Variants in MGMT observed in about 807,000 individuals in gnomAD.
The protein encoded by MGMT is methylated-DNA--protein-cysteine methyltransferase.
MGMT carries 14 observed loss-of-function variants against 15.9 expected under a neutral mutation model. The observed-to-expected ratio is 0.88, with a 90% CI of 0.58 to 1.37. MGMT has a LOEUF of 1.37. Among genes scored for constraint, MGMT ranks in the 40% most tolerant of loss-of-function variants. The pLI, the probability that MGMT is intolerant of heterozygous loss-of-function variation, is 0.00. For missense variants in MGMT, 282 were observed against 268.1 expected, an observed-to-expected ratio of 1.05 and a Z score of -0.36; for synonymous variants, 130 against 118.2, an observed-to-expected ratio of 1.10 and a Z score of -0.65.
At position 129,653,620 on chromosome 10, in the gene MGMT, G is replaced by A. The variant is rs557092595; in HGVS notation, c.126-54275G>A. Reference sequence around the variant, plus strand: ...TGATGGTGGCCCTTGACTGTGGTCAGCACTGGACTGGCCCACCCTATGAGA... The same window carrying A: ...TGATGGTGGCCCTTGACTGTGGTCAACACTGGACTGGCCCACCCTATGAGA... On this transcript the variant is annotated intron_variant, in intron 2 of 4. Coordinates refer to ENST00000651593, the MANE Select transcript of MGMT (RefSeq NM_002412.5). Among the ~76,000 whole-genome samples the A allele has an allele frequency of 2.0e-5, 3 of 152,342 alleles. No individual in the cohort carries two copies. The East Asian group carries it at 5.8e-4, about 29-fold the overall frequency.
At chr10:129,505,169 A>G (rs1845613343) in intron 1 of MGMT, among the ~76,000 whole-genome samples, 1 of 152,160 alleles carries the variant, frequency 6.6e-6, no homozygotes, top group South Asian at 2.1e-4. Flanking sequence ...TTTTTTCCAG[A>G]AATAATAAAT....
At chr10:129,619,347 A>T (rs1255464792) in intron 2 of MGMT, among the ~76,000 whole-genome samples, 1 of 152,188 alleles carries the variant, frequency 6.6e-6, no homozygotes, top group African/African-American at 2.4e-5. Context: ...CTCTGTATAT[A>T]TATGTGTATA....
At chr10:129,620,963 G>A (rs1336581650) in intron 2 of MGMT, among the ~76,000 whole-genome samples, 3 of 151,538 alleles carry the variant, frequency 2.0e-5, no homozygotes, top group East Asian at 3.9e-4. Context: ...TTTTTAAGTA[G>A]TTTGTTTAGT....
intron 3 of MGMT, among the ~76,000 whole-genome samples, chr10:129,721,158 A>T (rs1165300642): frequency 1.3e-5 from 2 of 152,124 alleles, no homozygotes; most frequent in Non-Finnish European, 2.9e-5. Flanking sequence ...AAAGTCATAT[A>T]TATGCCACCC....
rs112545789 is a variant in MGMT, at chr10:129,685,791, A to G, written c.126-22104A>G. 5.4e-4 allele frequency among the ~76,000 whole-genome samples: 82 copies of G among 152,354 alleles called. 1 individual carries two copies. Among genetic ancestry groups the G allele is most frequent in the African/African-American group, 1.9e-3 (78 of 41,592 alleles). On this transcript the variant is annotated intron_variant, in intron 2 of 4. Coordinates refer to ENST00000651593, the MANE Select transcript of MGMT (RefSeq NM_002412.5). The stretch of plus-strand genomic sequence containing the variant: ...ATTATCTCTGGAGATGGGCAGGTAC[A>G]CCTCACAGAAAGTGAAGTCTGTTGC...
chr10:129,759,022 C>T (rs569119743), intron 3 of MGMT, among the ~76,000 whole-genome samples, 180 bp from the exon 4 acceptor site: 3 of 152,362 alleles, frequency 2.0e-5, no homozygotes, highest in African/African-American at 7.2e-5. Flanking sequence ...TGGCCTGCCA[C>T]ATGCTTGCGT....
intron 2 of MGMT, among the ~76,000 whole-genome samples, chr10:129,574,807 G>A (rs1296574395): frequency 6.6e-6 from 1 of 152,140 alleles, no homozygotes; most frequent in Non-Finnish European, 1.5e-5. Context: ...TCCCACTTTA[G>A]AAATTATTAA....
At chr10:129,633,947 C>G (rs492811) in intron 2 of MGMT, among the ~76,000 whole-genome samples, 1,599 of 152,206 alleles carry the variant, frequency 0.011, 33 homozygotes, top group African/African-American at 0.036. Flanking sequence ...AGTTTTATTG[C>G]TCTTCATTCT....
chr10:129,502,114 C>T lies in MGMT; in HGVS notation c.-12-34127C>T, dbSNP rs1423338903. Among the ~76,000 whole-genome samples, 5 of 152,230 alleles carry T rather than the reference C, an allele frequency of 3.3e-5. 1 individual carries two copies. Among genetic ancestry groups the T allele is most frequent in the South Asian group, 4.1e-4 (2 of 4,830 alleles). On this transcript the variant is annotated intron_variant, in intron 1 of 4. Transcript: ENST00000651593. The stretch of plus-strand genomic sequence containing the variant: ...TTTGGTGGTGGTTGTTACTGCAGAG[C>T]GTCCCAGCCATCCTGACTAGTACAG...
chr10:129,626,025 A>G (rs1302818530), intron 2 of MGMT, among the ~76,000 whole-genome samples: 1 of 152,140 alleles, frequency 6.6e-6, no homozygotes, highest in African/African-American at 2.4e-5. Context: ...GGCGCAGAAT[A>G]TGTTTGCTTG....
At position 129,565,948 on chromosome 10, in the gene MGMT, C is replaced by T. The variant is rs535947906; in HGVS notation, c.125+29571C>T. 5.9e-5 allele frequency among the ~76,000 whole-genome samples: 9 copies of T among 152,176 alleles called. No individual in the cohort carries two copies. The South Asian group carries it at 1.0e-3, about 18-fold the overall frequency. ...GAGTGACCACTGCCAGGGAAGACAC[C>T]GTGGTCGGGGCCTGTGATTCCTGCC... On this transcript the variant is annotated intron_variant, in intron 2 of 4. Coordinates refer to ENST00000651593, the MANE Select transcript of MGMT (RefSeq NM_002412.5).
At chr10:129,577,780 C>T (rs1361687121) in intron 2 of MGMT, among the ~76,000 whole-genome samples, 4 of 152,126 alleles carry the variant, frequency 2.6e-5, no homozygotes, top group Non-Finnish European at 5.9e-5. Context: ...TTTTCTCAAC[C>T]TACTCCTCTG....
chr10:129,671,873 A>G (rs1847728404), intron 2 of MGMT, among the ~76,000 whole-genome samples: 1 of 152,230 alleles, frequency 6.6e-6, no homozygotes, highest in Admixed American at 6.5e-5. Context: ...CAGATTGGCT[A>G]TGGACATGAG....
chr10:129,685,781 G>C (rs1304771647), intron 2 of MGMT, among the ~76,000 whole-genome samples: 1 of 152,196 alleles, frequency 6.6e-6, no homozygotes, highest in Non-Finnish European at 1.5e-5. Flanking sequence ...CTCTGGAGAT[G>C]GGCAGGTACA....
At chr10:129,509,442 G>A (rs1459409713) in intron 1 of MGMT, among the ~76,000 whole-genome samples, 3 of 152,074 alleles carry the variant, frequency 2.0e-5, no homozygotes, top group African/African-American at 4.8e-5. Flanking sequence ...TGGCACATTC[G>A]GATTTCCTTG....
intron 3 of MGMT, among the ~76,000 whole-genome samples, chr10:129,736,270 G>T (rs942714482): frequency 5.3e-5 from 8 of 150,436 alleles, no homozygotes; most frequent in Non-Finnish European, 7.5e-5. Context: ...ATATATTTAG[G>T]ATAGTTAGCT....
In MGMT at chr10:129,618,466, C is replaced by T. The variant is rs559891170; in HGVS notation, c.125+82089C>T. Among the ~76,000 whole-genome samples the T allele has an allele frequency of 1.4e-4, 22 of 152,036 alleles. No individual in the cohort carries two copies. In the South Asian group the frequency reaches 3.5e-3, roughly 24 times the overall value. On this transcript the variant is annotated intron_variant, in intron 2 of 4. Coordinates refer to ENST00000651593, the MANE Select transcript of MGMT (RefSeq NM_002412.5). ...GTTCTCCAAATTTCGTTGTTTTTTC[C>T]ACAATTGTTTTGGCTCTTCTTAGTC...
intron 2 of MGMT, among the ~76,000 whole-genome samples, chr10:129,551,629 C>G (rs1050476056): frequency 3.3e-5 from 5 of 152,284 alleles, no homozygotes; most frequent in Non-Finnish European, 7.4e-5. Context: ...CACTGATATT[C>G]TATCTCTGTA....
intron 1 of MGMT, among the ~76,000 whole-genome samples, chr10:129,486,454 G>T (rs1845410509): frequency 6.6e-6 from 1 of 152,102 alleles, no homozygotes; most frequent in South Asian, 2.1e-4. Context: ...CTCCAGAAGT[G>T]CTGGGATTAC....
Sources: gnomAD v4.1 joint callset for allele counts (sites outside exome capture counted in the v4.1 genomes callset) on GRCh38, gnomAD v4.1.1 for gene constraint, MANE v1.5 for transcripts, NCBI Gene and HGNC (gene_info 2026-07-23, HGNC 2026-07-21) for gene names.